The following CACNB4 variants were observed in gnomAD, a reference collection of about 807,000 sequenced individuals.
CACNB4 encodes the protein voltage-dependent L-type calcium channel subunit beta-4.
In CACNB4, 32 loss-of-function variants were observed where a neutral mutation model predicts 71.2. The observed-to-expected ratio is 0.45, with a 90% confidence interval of 0.34 to 0.60. The LOEUF is 0.60. Among genes scored for constraint, CACNB4 ranks in the 20% least tolerant of loss-of-function variants. The pLI, the probability that CACNB4 is intolerant of heterozygous loss-of-function variation, is 0.01. For synonymous variants in CACNB4, 231 were observed against 236.9 expected (o/e 0.97, Z 0.23); for missense variants, 464 against 647.9 (o/e 0.72, Z 3.08).
chr2:151,924,265 A>T (rs1182378112), intron 2 of CACNB4, among the ~76,000 whole-genome samples: 1 of 151,176 alleles, frequency 6.6e-6, no homozygotes, highest in Non-Finnish European at 1.5e-5. Flanking sequence ...TTTTTAGTAG[A>T]GATGGGGTTT....
chr2:151,989,125 T>C (rs1360017512), intron 2 of CACNB4, among the ~76,000 whole-genome samples: 1 of 152,228 alleles, frequency 6.6e-6, no homozygotes, highest in African/African-American at 2.4e-5. Flanking sequence ...GGAATCCCAA[T>C]TTCTCTGGCC....
At chr2:151,886,105 G>A (rs1322427035) in intron 2 of CACNB4, among the ~76,000 whole-genome samples, 2 of 152,092 alleles carry the variant, frequency 1.3e-5, no homozygotes, top group Non-Finnish European at 2.9e-5. Context: ...GAACCGCTGT[G>A]CCTGACCCAG....
intron 6 of CACNB4, chr2:151,872,015 C>T (rs1365664436): frequency 3.8e-6 from 1 of 263,680 alleles, no homozygotes. Flanking sequence ...TCGGGCTGTA[C>T]TAATACATCC....
chr2:151,977,160 T>C (rs888821398), intron 2 of CACNB4, among the ~76,000 whole-genome samples: 1 of 152,210 alleles, frequency 6.6e-6, no homozygotes, highest in African/African-American at 2.4e-5. Flanking sequence ...CAAAACTGCA[T>C]AGCCTCAAGG....
chr2:151,982,206 C>T (rs2099874836), intron 2 of CACNB4, among the ~76,000 whole-genome samples: 1 of 152,132 alleles, frequency 6.6e-6, no homozygotes, highest in Admixed American at 6.5e-5. Flanking sequence ...TTTAGCAAGG[C>T]TAAAATTTAG....
intron 2 of CACNB4, among the ~76,000 whole-genome samples, chr2:151,885,151 A>G (rs2099849041): frequency 6.6e-6 from 1 of 152,224 alleles, no homozygotes; most frequent in South Asian, 2.1e-4. Context: ...CAGAGTGCCC[A>G]GTCAAGTCCT....
chr2:152,003,916 C>T (rs1161316250), intron 2 of CACNB4, among the ~76,000 whole-genome samples: 1 of 152,056 alleles, frequency 6.6e-6, no homozygotes, highest in African/African-American at 2.4e-5. Context: ...GCCATTAAGG[C>T]TCACTGCAGC....
At position 151,906,670 on chromosome 2, in the gene CACNB4, T is replaced by C. The variant is rs571967693; in HGVS notation, c.148-23300A>G. Among the ~76,000 whole-genome samples the C allele has an allele frequency of 2.6e-5, 4 of 152,346 alleles. No homozygotes were observed. In the East Asian group the frequency reaches 7.7e-4, roughly 29 times the overall value. ...GATTTAAAGGGTGAAACTACAGTCT[T>C]GTCCAGCAACAGAAGGCCTTTCTAA... On this transcript the variant is annotated intron_variant, in intron 2 of 13. Transcript: ENST00000539935.
At chr2:151,915,474 C>G (rs574627783) in intron 2 of CACNB4, among the ~76,000 whole-genome samples, 4 of 152,338 alleles carry the variant, frequency 2.6e-5, no homozygotes, top group Non-Finnish European at 5.9e-5. Context: ...CAGCAGGCAG[C>G]CACAGTGGGT....
At position 151,908,643 on chromosome 2, in the gene CACNB4, CTT is replaced by C. The variant is rs375660438; in HGVS notation, c.148-25275_148-25274del. ...CTGTAGATAAAAAGCCAAGGGAAGA[CTT>C]TAGATAACATACTTTAAGAATTTGA... On this transcript the variant is annotated intron_variant, in intron 2 of 13. Coordinates refer to ENST00000539935, the MANE Select transcript of CACNB4 (RefSeq NM_000726.5). 7.2e-3 allele frequency among the ~76,000 whole-genome samples: 1,098 copies of C among 152,256 alleles called. 5 individuals are homozygous for C. Among genetic ancestry groups the C allele is most frequent in the Non-Finnish European group, 0.012 (785 of 67,998 alleles).
At chr2:152,027,636 G>A (rs908611283) in intron 2 of CACNB4, among the ~76,000 whole-genome samples, 17 of 151,972 alleles carry the variant, frequency 1.1e-4, no homozygotes, top group Non-Finnish European at 1.5e-4. Context: ...GGCGGATCAC[G>A]AGGTCAGGAG....
intron 2 of CACNB4, among the ~76,000 whole-genome samples, chr2:152,021,973 C>T (rs548218491): frequency 1.3e-4 from 20 of 152,086 alleles, no homozygotes; most frequent in Non-Finnish European, 1.9e-4. Flanking sequence ...GAAGTATAAG[C>T]GTCTAATCTT....
intron 2 of CACNB4, among the ~76,000 whole-genome samples, chr2:152,065,747 T>C (rs1231667744): frequency 2.0e-5 from 3 of 152,172 alleles, no homozygotes; most frequent in African/African-American, 7.2e-5. Context: ...AAAATCTTTA[T>C]GTAAGGGGGT....
chr2:152,060,153 A>G (rs752630861), intron 2 of CACNB4, among the ~76,000 whole-genome samples: 19 of 152,186 alleles, frequency 1.2e-4, no homozygotes, highest in Non-Finnish European at 2.6e-4. Flanking sequence ...GACTAATACA[A>G]TGTTATATAA....
chr2:152,017,652 G>A (rs1683420706), intron 2 of CACNB4, among the ~76,000 whole-genome samples: 1 of 151,596 alleles, frequency 6.6e-6, no homozygotes, highest in Non-Finnish European at 1.5e-5. Context: ...AGGTTGCAGT[G>A]AGCCGAGATC....
At chr2:151,956,631 T>C (rs1019969527) in intron 2 of CACNB4, among the ~76,000 whole-genome samples, 3 of 152,230 alleles carry the variant, frequency 2.0e-5, no homozygotes, top group African/African-American at 4.8e-5. Context: ...ACTCTGAATA[T>C]AGTAAAACCC....
intron 11 of CACNB4, chr2:151,854,755 G>A (rs1414382430): frequency 1.3e-5 from 2 of 152,524 alleles, no homozygotes; most frequent in South Asian, 2.1e-4. Flanking sequence ...AAGCACAAAT[G>A]TCAGGGTCTA....
chr2:152,089,350 T>C (rs1687843138), intron 2 of CACNB4, among the ~76,000 whole-genome samples: 1 of 152,082 alleles, frequency 6.6e-6, no homozygotes, highest in South Asian at 2.1e-4. Flanking sequence ...TATAGCAGAG[T>C]GTGTTCCCAG....
At chr2:151,839,694 C>A (rs949116950) in intron 13 of CACNB4, among the ~76,000 whole-genome samples, 7 of 152,116 alleles carry the variant, frequency 4.6e-5, no homozygotes, top group African/African-American at 1.4e-4. Flanking sequence ...TCTAATAATT[C>A]CATTTCTATT....
Sources: allele counts gnomAD v4.1 joint callset (sites outside exome capture counted in the v4.1 genomes callset), GRCh38; gene constraint gnomAD v4.1.1; transcripts MANE v1.5; gene names NCBI Gene and HGNC (gene_info 2026-07-23, HGNC 2026-07-21).